RSPO3: variants seen among roughly 807,000 people sequenced by gnomAD.
RSPO3 encodes R-spondin 3, also known as R-spondin-3.
A neutral mutation model predicts 36.5 loss-of-function variants in RSPO3; 17 were observed. The ratio of observed to expected loss-of-function variants is 0.47; its 90% confidence interval spans 0.32 to 0.70. The LOEUF (loss-of-function observed/expected upper bound fraction) is 0.70, where lower values mean the gene tolerates loss of function less well. RSPO3 is among the 30% of genes least tolerant of loss of function. The probability of loss-of-function intolerance (pLI) is 0.04; values close to 1 mark genes in which losing one functional copy is unlikely to be tolerated. For missense variants in RSPO3, 294 were observed against 322.5 expected, an observed-to-expected ratio of 0.91 and a Z score of 0.68; for synonymous variants, 108 against 107.0, an observed-to-expected ratio of 1.01 and a Z score of -0.06.
chr6:127,191,431 G>A (rs779594702), intron 4 of RSPO3, among the ~76,000 whole-genome samples: 6 of 152,032 alleles, frequency 3.9e-5, no homozygotes, highest in Non-Finnish European at 8.8e-5. Flanking sequence ...TCCAAGGGTG[G>A]GATCTAGGAA....
At chr6:127,194,650 T>C (rs944053352) in intron 4 of RSPO3, among the ~76,000 whole-genome samples, 8 of 152,226 alleles carry the variant, frequency 5.3e-5, no homozygotes, top group African/African-American at 1.9e-4. Flanking sequence ...CTCCCAGCAT[T>C]TCTCCAATGC....
chr6:127,138,442 C>G (rs961533722), intron 1 of RSPO3, among the ~76,000 whole-genome samples: 1 of 152,052 alleles, frequency 6.6e-6, no homozygotes, highest in Non-Finnish European at 1.5e-5. Context: ...CTTCTCACAC[C>G]TCCTGTATTA....
At chr6:127,193,096 A>C (rs902718488) in intron 4 of RSPO3, among the ~76,000 whole-genome samples, 1 of 152,196 alleles carries the variant, frequency 6.6e-6, no homozygotes, top group Non-Finnish European at 1.5e-5. Flanking sequence ...TCTGTTGTGC[A>C]ATAGCCCTCT....
intron 1 of RSPO3, among the ~76,000 whole-genome samples, chr6:127,125,323 G>C (rs1773918412): frequency 6.6e-6 from 1 of 152,186 alleles, no homozygotes; most frequent in Non-Finnish European, 1.5e-5. Flanking sequence ...GTTTGTGGTA[G>C]AATCTGAGAC....
intron 4 of RSPO3, among the ~76,000 whole-genome samples, chr6:127,172,374 C>T (rs1163117607): frequency 6.6e-6 from 1 of 151,458 alleles, no homozygotes; most frequent in Non-Finnish European, 1.5e-5. Flanking sequence ...TTCCATAGAG[C>T]CCCACTAAAT....
At chr6:127,180,369 G>A (rs1156826033) in intron 4 of RSPO3, among the ~76,000 whole-genome samples, 2 of 151,280 alleles carry the variant, frequency 1.3e-5, no homozygotes, top group Non-Finnish European at 3.0e-5. Context: ...AAGAACTTTG[G>A]GAGTACAGGC....
intron 4 of RSPO3, among the ~76,000 whole-genome samples, chr6:127,175,643 A>T (rs765886102): frequency 6.6e-6 from 1 of 151,734 alleles, no homozygotes; most frequent in Admixed American, 6.6e-5. Flanking sequence ...CTCCCTGTCA[A>T]CATTGCAGAG....
chr6:127,124,899 A>G (rs981725257), intron 1 of RSPO3, among the ~76,000 whole-genome samples: 1 of 152,102 alleles, frequency 6.6e-6, no homozygotes, highest in African/African-American at 2.4e-5. Context: ...AGAATGCTAA[A>G]TATCTAAATG....
At chr6:127,164,474 C>G (rs891306764) in intron 4 of RSPO3, among the ~76,000 whole-genome samples, 1 of 152,014 alleles carries the variant, frequency 6.6e-6, no homozygotes, top group Non-Finnish European at 1.5e-5. Context: ...ACTAAACACA[C>G]GTTCAGGATA....
intron 1 of RSPO3, among the ~76,000 whole-genome samples, chr6:127,123,714 ATGT>A (rs754060138): frequency 3.9e-5 from 6 of 152,114 alleles, no homozygotes; most frequent in Non-Finnish European, 7.4e-5. Flanking sequence ...AACTGATTTA[ATGT>A]TGTTATTTCA....
chr6:127,139,280 AC>A (rs1368175686), intron 1 of RSPO3, among the ~76,000 whole-genome samples: 1 of 152,192 alleles, frequency 6.6e-6, no homozygotes, highest in Non-Finnish European at 1.5e-5. Context: ...TTGTTGAAAT[AC>A]CACAAGTCTC....
At chr6:127,177,087 G>A (rs909725147) in intron 4 of RSPO3, among the ~76,000 whole-genome samples, 2 of 151,800 alleles carry the variant, frequency 1.3e-5, no homozygotes, top group African/African-American at 2.4e-5. Flanking sequence ...TGCCACAGCT[G>A]ATGGCCCATG....
intron 4 of RSPO3, among the ~76,000 whole-genome samples, chr6:127,160,952 T>C (rs1465297805): frequency 6.6e-6 from 1 of 152,330 alleles, no homozygotes; most frequent in Admixed American, 6.5e-5. Flanking sequence ...TTTTATTTGA[T>C]ATTTTTTTCT....
chr6:127,186,090 G>A (rs1178135956), intron 4 of RSPO3, among the ~76,000 whole-genome samples: 1 of 152,028 alleles, frequency 6.6e-6, no homozygotes, highest in African/African-American at 2.4e-5. Context: ...TAACCAGCTG[G>A]AATAAATTTT....
rs958963987 is a variant in RSPO3, at chr6:127,198,860, G to A, written c.*2853G>A. Reference sequence around the variant, plus strand: ...TGTCCCTGAGTCCTCATTAGTGACTGCGTCCTTTGGAAGTTATCCCAACCC... The same window carrying A: ...TGTCCCTGAGTCCTCATTAGTGACTACGTCCTTTGGAAGTTATCCCAACCC... On this transcript the variant is annotated 3_prime_UTR_variant, in exon 5 of 5. Coordinates refer to ENST00000356698, the MANE Select transcript of RSPO3 (RefSeq NM_032784.5). 1.3e-5 allele frequency among the ~76,000 whole-genome samples: 2 copies of A among 152,202 alleles called. No homozygotes were observed. The highest frequency in any genetic ancestry group is 2.9e-5 in the Non-Finnish European group (2 of 68,032).
chr6:127,195,174 CT>C (rs890253794), intron 4 of RSPO3, among the ~76,000 whole-genome samples: 6 of 150,842 alleles, frequency 4.0e-5, no homozygotes, highest in East Asian at 1.9e-4. Context: ...AAAATCTCTC[CT>C]TTTTTTTTGG....
At chr6:127,130,559 G>C (rs757385962) in intron 1 of RSPO3, among the ~76,000 whole-genome samples, 46 of 152,060 alleles carry the variant, frequency 3.0e-4, no homozygotes, top group Non-Finnish European at 5.4e-4. Context: ...TAGTTATCAT[G>C]ACCTGATTGT....
At chr6:127,129,186 C>T (rs191936015) in intron 1 of RSPO3, among the ~76,000 whole-genome samples, 6 of 152,184 alleles carry the variant, frequency 3.9e-5, no homozygotes, top group East Asian at 3.9e-4. Flanking sequence ...ACAGTTTTAA[C>T]TCTACCTTAA....
intron 1 of RSPO3, among the ~76,000 whole-genome samples, chr6:127,138,086 C>G (rs1774197109): frequency 2.0e-5 from 3 of 152,158 alleles, no homozygotes; most frequent in South Asian, 4.1e-4. Flanking sequence ...TTACCTAAAT[C>G]CACTGGATTC....
Sources: allele counts gnomAD v4.1 joint callset (sites outside exome capture counted in the v4.1 genomes callset), GRCh38; gene constraint gnomAD v4.1.1; transcripts MANE v1.5; gene names NCBI Gene and HGNC (gene_info 2026-07-23, HGNC 2026-07-21).